HSD11B1: variants seen among roughly 807,000 people sequenced by gnomAD.
HSD11B1 encodes the protein hydroxysteroid 11-beta dehydrogenase 1.
In HSD11B1, 15 loss-of-function variants were observed where a neutral mutation model predicts 22.1. The ratio of observed to expected loss-of-function variants is 0.68; its 90% CI spans 0.45 to 1.04. The LOEUF (loss-of-function observed/expected upper bound fraction) is 1.04. Ranked by LOEUF, HSD11B1 falls within the 50% of genes least tolerant of loss-of-function variation. The pLI is 0.00. For synonymous variants in HSD11B1, 122 were observed against 125.2 expected (o/e 0.97, Z 0.17); for missense variants, 281 against 357.6 (o/e 0.79, Z 1.73).
intron 1 of HSD11B1, among the ~76,000 whole-genome samples, chr1:209,694,127 A>G (rs895904974): frequency 6.6e-6 from 1 of 152,044 alleles, no homozygotes; most frequent in Non-Finnish European, 1.5e-5. Context: ...ATCTACTCCT[A>G]TGGTTGCAAC....
chr1:209,688,408 C>T (rs757928295), intron 1 of HSD11B1, among the ~76,000 whole-genome samples: 4 of 152,170 alleles, frequency 2.6e-5, no homozygotes, highest in Non-Finnish European at 5.9e-5. Flanking sequence ...CTATGGTGAG[C>T]TCTGACTTAC....
At position 209,707,083 on chromosome 1, in the gene HSD11B1, C is replaced by G; in HGVS notation, c.472C>G (p.Leu158Val). Residue 158 changes from leucine to valine, a missense_variant, in exon 4 of 6, where the codon CTG becomes GTG. Transcript: ENST00000367027. The stretch of plus-strand genomic sequence containing the variant: ...CCTGACTGTAGCTGCCTTGCCCATG[C>G]TGAAGCAGAGCAATGGAAGCATTGT... Reference protein sequence around the residue: ...VVLTVAALPMLKQSNGSIVVV... With the variant: ...VVLTVAALPMVKQSNGSIVVV... 6.2e-7 allele frequency: 1 copy of G among 1,614,026 alleles called. No homozygotes were observed. The highest frequency in any genetic ancestry group is 8.5e-7 in the Non-Finnish European group (1 of 1,180,002).
intron 1 of HSD11B1, among the ~76,000 whole-genome samples, chr1:209,699,509 C>T (rs2076813819): frequency 6.6e-6 from 1 of 152,012 alleles, no homozygotes; most frequent in Non-Finnish European, 1.5e-5. Flanking sequence ...ATTCAATTAC[C>T]TCCCCCAGGT....
At chr1:209,687,578 G>A (rs1387971530) in intron 1 of HSD11B1, among the ~76,000 whole-genome samples, 1 of 152,210 alleles carries the variant, frequency 6.6e-6, no homozygotes, top group Non-Finnish European at 1.5e-5. Context: ...TGAGGGAATT[G>A]AAGCCAAGAC....
chr1:209,729,729 C>T (rs1436370807), intron 4 of HSD11B1, among the ~76,000 whole-genome samples: 2 of 152,144 alleles, frequency 1.3e-5, no homozygotes, highest in East Asian at 3.9e-4. Context: ...CAAAAATCCT[C>T]AACAAAATAC....
chr1:209,713,291 T>C (rs1338553385), intron 4 of HSD11B1, among the ~76,000 whole-genome samples: 1 of 152,228 alleles, frequency 6.6e-6, no homozygotes, highest in Non-Finnish European at 1.5e-5. Flanking sequence ...AAGGACATTT[T>C]CCAAAATATT....
At chr1:209,716,539 T>C (rs1362060647) in intron 4 of HSD11B1, among the ~76,000 whole-genome samples, 1 of 151,298 alleles carries the variant, frequency 6.6e-6, no homozygotes, top group African/African-American at 2.4e-5. Flanking sequence ...CCTATCAAAA[T>C]ACCAATGACA....
rs2076847855 is a variant in HSD11B1 at position 209,704,984 on chromosome 1, C to T, written c.42C>T (p.Leu14=). The T allele has an allele frequency of 6.2e-7, 1 of 1,613,862 alleles. No homozygotes were observed. Among genetic ancestry groups the T allele is most frequent in the African/African-American group, 1.3e-5 (1 of 74,914 alleles). Residue 14 remains leucine (L), a synonymous_variant, in exon 1 of 6, where the codon CTC becomes CTT. Coordinates refer to ENST00000367027, the MANE Select transcript of HSD11B1 (RefSeq NM_005525.4). The part of the protein sequence containing the change: ...MKKYLLPILG[L]FMAYYYYSAN... ...AATATCTCCTCCCCATTCTGGGGCT[C>T]TTCATGGCCTACTACTACTATTCTG...
chr1:209,702,120 C>T (rs2076829925), upstream of HSD11B1, among the ~76,000 whole-genome samples: 3 of 152,204 alleles, frequency 2.0e-5, no homozygotes, highest in Admixed American at 1.3e-4. Flanking sequence ...GAATACTTGA[C>T]TTGAAACAAA....
At position 209,692,616 on chromosome 1, in the gene HSD11B1, G is replaced by GGT. The variant is rs1553286744; in HGVS notation, c.-49+6332_-49+6333insTG. On this transcript the variant is annotated intron_variant, in intron 1 of 6. Transcript: ENST00000261465. The stretch of plus-strand genomic sequence containing the variant: ...TCGGGTATTAAAATGGCGGGGGGGG[G>GGT]GGTGGGGGCTCGGTTCTTGCTAAAT... 1.0e-4 allele frequency among the ~76,000 whole-genome samples: 11 copies of GGT among 110,528 alleles called. No homozygotes were observed. In the South Asian group the frequency reaches 3.6e-3, roughly 37 times the overall value. 72.5% of individuals were successfully genotyped at this position (110,528 alleles called of 152,430 possible). A position where few individuals can be genotyped will look rare whatever the true frequency, so the allele number is the denominator to read the frequency against.
At chr1:209,733,386 C>T (rs540384631) in intron 5 of HSD11B1, among the ~76,000 whole-genome samples, 2 of 151,910 alleles carry the variant, frequency 1.3e-5, no homozygotes, top group Non-Finnish European at 2.9e-5. Context: ...CCATCAGAGA[C>T]AAGGAAAGGC....
At chr1:209,701,909 A>G (rs846910), upstream of HSD11B1, among the ~76,000 whole-genome samples, 143,510 of 152,148 alleles carry the variant, frequency 0.94, 67,909 homozygotes, top group African/African-American at 0.99. Context: ...TATTCTGGTG[A>G]GAATGATCAA....
chr1:209,687,808 A>T (rs1271371351), intron 1 of HSD11B1, among the ~76,000 whole-genome samples: 2 of 152,234 alleles, frequency 1.3e-5, no homozygotes, highest in Non-Finnish European at 2.9e-5. Context: ...GCAGAAATAG[A>T]AAGAAGAAAA....
chr1:209,718,132 A>G (rs549829113), intron 4 of HSD11B1, among the ~76,000 whole-genome samples: 1 of 152,308 alleles, frequency 6.6e-6, no homozygotes, highest in Non-Finnish European at 1.5e-5. Flanking sequence ...GGGGTTGGCT[A>G]CTGATTACAA....
At chr1:209,713,093 A>G (rs1023458807) in intron 4 of HSD11B1, among the ~76,000 whole-genome samples, 5 of 152,238 alleles carry the variant, frequency 3.3e-5, no homozygotes, top group Non-Finnish European at 7.3e-5. Context: ...TCTAAGTGCA[A>G]GAATATATCA....
At chr1:209,732,398 G>A (rs1268015701) in intron 4 of HSD11B1, 38 bp from the exon 5 acceptor site, 1 of 1,613,026 alleles carries the variant, frequency 6.2e-7, no homozygotes, top group Admixed American at 1.7e-5. Context: ...GGTGAAATGG[G>A]CAGCCTTATT....
chr1:209,692,199 G>C (rs537022038), intron 1 of HSD11B1, among the ~76,000 whole-genome samples: 3 of 152,208 alleles, frequency 2.0e-5, no homozygotes, highest in African/African-American at 7.2e-5. Flanking sequence ...AAAGTTAAAA[G>C]TATTTACCTA....
chr1:209,729,540 T>G (rs1371811348), intron 4 of HSD11B1, among the ~76,000 whole-genome samples: 1 of 152,114 alleles, frequency 6.6e-6, no homozygotes, highest in Non-Finnish European at 1.5e-5. Flanking sequence ...TACCTCATGG[T>G]CCAAGATAGG....
At position 209,716,288 on chromosome 1, in the gene HSD11B1, C is replaced by A. The variant is rs78501834; in HGVS notation, c.517+9160C>A. ...AATCAACAGTGTCCCCATATGCTAA[C>A]AGCGATCAATCTGAAAAAAAGAAAA... On this transcript the variant is annotated intron_variant, in intron 4 of 5. Coordinates refer to ENST00000367027, the MANE Select transcript of HSD11B1 (RefSeq NM_005525.4). Among the ~76,000 whole-genome samples the A allele has an allele frequency of 4.2e-4, 63 of 150,704 alleles. No individual in the cohort carries two copies. The East Asian group carries it at 0.012, about 28-fold the overall frequency.
Sources: gnomAD v4.1 joint callset for allele counts (sites outside exome capture counted in the v4.1 genomes callset) on GRCh38, gnomAD v4.1.1 for gene constraint, MANE v1.5 for transcripts, NCBI Gene and HGNC (gene_info 2026-07-23, HGNC 2026-07-21) for gene names.